The following SOX30 variants were observed in gnomAD, a reference collection of about 807,000 sequenced individuals.
SOX30 encodes the protein transcription factor SOX-30.
SOX30 carries 17 observed loss-of-function variants against 58.6 expected under a neutral mutation model. The observed-to-expected ratio is 0.29, with a 90% confidence interval of 0.20 to 0.44. SOX30 has a LOEUF of 0.44. Ranked by LOEUF, SOX30 falls within the 20% of genes least tolerant of loss-of-function variation. The pLI is 1.00. For synonymous variants in SOX30, 421 were observed against 400.2 expected, an observed-to-expected ratio of 1.05 and a Z score of -0.62; for missense variants, 951 against 965.8, an observed-to-expected ratio of 0.98 and a Z score of 0.20.
intron 4 of SOX30, among the ~76,000 whole-genome samples, chr5:157,628,404 CACAG>C (rs1186542592): frequency 7.0e-6 from 1 of 143,418 alleles, no homozygotes; most frequent in Non-Finnish European, 1.5e-5. Flanking sequence ...CACACACACA[CACAG>C]AGTCAACTTT....
chr5:157,644,601 C>T (rs997532480), intron 3 of SOX30, among the ~76,000 whole-genome samples: 1 of 152,178 alleles, frequency 6.6e-6, no homozygotes, highest in Non-Finnish European at 1.5e-5. Flanking sequence ...AAATATACAG[C>T]ATTTAACAGT....
At position 157,626,683 on chromosome 5, in the gene SOX30, T is replaced by C; in HGVS notation, c.1919A>G (p.Asn640Ser). The part of the protein sequence containing the change: ...PYSRPPFGYG[N>S]FPSSMPECLS... ...GCATTCTGGCATTGAACTCGGAAAATTTCCATAGCCAAAGGGAGGCCGACT... is the reference window on the plus strand; with the variant it reads ...GCATTCTGGCATTGAACTCGGAAAACTTCCATAGCCAAAGGGAGGCCGACT... Residue 640 changes from asparagine (N) to serine (S), a missense_variant, in exon 5 of 5, where the codon AAT becomes AGT. Physicochemically the swap from Asn to Ser is conservative, Grantham distance 46 (BLOSUM62 1). Around this residue, in one of 7 missense-constraint regions of SOX30, gnomAD observed 381 missense variants for 390.0 expected, o/e 0.98. Transcript: ENST00000265007. 1 of 1,612,870 alleles carries C rather than the reference T, an allele frequency of 6.2e-7. No homozygotes were observed. The highest frequency in any genetic ancestry group is 1.1e-5 in the South Asian group (1 of 90,888).
At chr5:157,640,813 A>G (rs1315470149) in intron 3 of SOX30, among the ~76,000 whole-genome samples, 1 of 152,126 alleles carries the variant, frequency 6.6e-6, no homozygotes, top group Non-Finnish European at 1.5e-5. Context: ...ATGAGTTAGC[A>G]TGATTCCTTA....
chr5:157,645,790 G>A (rs1189097039), intron 3 of SOX30, among the ~76,000 whole-genome samples: 3 of 152,116 alleles, frequency 2.0e-5, no homozygotes, highest in Non-Finnish European at 4.4e-5. Flanking sequence ...GGAGGCCGGG[G>A]CGGGCAGATC....
chr5:157,631,805 C>T (rs1758817056), intron 4 of SOX30, among the ~76,000 whole-genome samples: 1 of 148,764 alleles, frequency 6.7e-6, no homozygotes, highest in Admixed American at 6.7e-5. Context: ...TGGCTCATGC[C>T]TGTTAATTCC....
intron 4 of SOX30, among the ~76,000 whole-genome samples, chr5:157,635,519 G>A (rs1049639109): frequency 6.6e-6 from 1 of 152,082 alleles, no homozygotes. Context: ...AGCTACTCGG[G>A]AGGCTGAGAT....
rs1306231288 is a variant in SOX30, at chr5:157,638,693, T to G, written c.1417A>C (p.Thr473Pro). 6.2e-7 allele frequency: 1 copy of G among 1,612,550 alleles called. No homozygotes were observed. Among genetic ancestry groups the G allele is most frequent in the Non-Finnish European group, 8.5e-7 (1 of 1,179,070 alleles). Residue 473 changes from threonine (T) to proline (P), a missense_variant, in exon 4 of 5, where the codon ACA becomes CCA. Physicochemically the swap from Thr to Pro is conservative, Grantham distance 38. Around this residue, in one of 7 missense-constraint regions of SOX30, gnomAD observed 381 missense variants for 390.0 expected, o/e 0.98. Transcript: ENST00000265007. ...GGGCTTGGGCTCTGGACTGCAGGTG[T>G]GGGCAGCTGGATAGCAGGTGAGGTT... ...GETSPAIQLP[T>P]PAVQSPSPVT...
At position 157,667,763 on chromosome 5, in the gene SOX30, T is replaced by TACACAC. The variant is rs36105993; in HGVS notation, c.52+29_52+34dup. ...CAGAATACATACATACATACATACA[T>TACACAC]ACACACACACACACACACACACACA... is the stretch of plus-strand genomic sequence containing the variant. On this transcript the variant is annotated intron_variant, in intron 2 of 5. Transcript: ENST00000519442. 3.1e-5 allele frequency: 42 copies of TACACAC among 1,343,654 alleles called. No homozygotes were observed. In the South Asian group the frequency reaches 5.2e-4, roughly 17 times the overall value. 83.2% of individuals were successfully genotyped at this position (1,343,654 alleles called of 1,614,324 possible). A position where few individuals can be genotyped will look rare whatever the true frequency, so the allele number is the denominator to read the frequency against.
intron 4 of SOX30, among the ~76,000 whole-genome samples, chr5:157,631,764 CA>C (rs70984477): frequency 0.27 from 22,464 of 84,658 alleles, 2,198 homozygotes; most frequent in African/African-American, 0.4. Context: ...GAACTCGTCT[CA>C]AAAAAAAAAA....
intron 2 of SOX30, among the ~76,000 whole-genome samples, chr5:157,663,571 C>G (rs2113858977): frequency 6.6e-6 from 1 of 152,156 alleles, no homozygotes; most frequent in East Asian, 1.9e-4. Context: ...CTCACCACTC[C>G]TATTCAACAT....
rs764208651 is a variant in SOX30 at position 157,638,372 on chromosome 5, T to A, written c.1738A>T (p.Ile580Phe). ...TGTGGAATGGGAGAAGCCTGGGGGA[T>A]TGGAGCACTTCTGGGACAAGGGGAA... ...SVSPCPRSAP[I>F]PQASPIPHPH... The change falls in exon 4 of 5, where the codon ATC becomes TTC. Residue 580 changes from isoleucine to phenylalanine, a missense_variant. Coordinates refer to ENST00000265007, the MANE Select transcript of SOX30 (RefSeq NM_178424.2). 1 of 1,613,660 alleles carries A rather than the reference T, an allele frequency of 6.2e-7. No individual in the cohort carries two copies.
Position 157,640,088 on chromosome 5 carries a change from A to G in SOX30, c.1388-1366T>C, listed in dbSNP as rs575994452. Among the ~76,000 whole-genome samples the G allele has an allele frequency of 4.7e-4, 71 of 152,190 alleles. 1 individual carries two copies. Among genetic ancestry groups the G allele is most frequent in the Non-Finnish European group, 7.9e-4 (54 of 68,026 alleles). On this transcript the variant is annotated intron_variant, in intron 3 of 4. Coordinates refer to ENST00000265007, the MANE Select transcript of SOX30 (RefSeq NM_178424.2). ...TCAGGCCCTTCCTGATTTATCAAGC[A>G]TAGGTTAATTTCCCTTGTCCACGTT...
intron 2 of SOX30, among the ~76,000 whole-genome samples, chr5:157,648,236 A>G (rs185382407): frequency 3.3e-5 from 5 of 152,200 alleles, no homozygotes; most frequent in Non-Finnish European, 7.3e-5. Context: ...TCTGACAATC[A>G]TATGTTAAAA....
Position 157,651,838 on chromosome 5 carries a change from GCA to G in SOX30, c.239_240del (p.Leu80ProfsTer81). 1 of 1,585,774 alleles carries G rather than the reference GCA, an allele frequency of 6.3e-7. No homozygotes were observed. Among genetic ancestry groups the G allele is most frequent in the Non-Finnish European group, 8.5e-7 (1 of 1,170,204 alleles). ...TCGTTCTGGGCCTGAGGCTGTGGTA[GCA>G]GCAACACCTGCTCTGGCTTCACCTG... ...LLQVKPEQVL[L>X]LPQPQAQNEE... On this transcript the variant is annotated frameshift_variant, in exon 1 of 5. Transcript: ENST00000265007. LOFTEE classifies it high-confidence loss of function.
chr5:157,667,900 G>T, intron 1 of SOX30: 8 of 1,521,124 alleles, frequency 5.3e-6, no homozygotes, highest in Non-Finnish European at 7.0e-6. Flanking sequence ...CCTATGACCT[G>T]CAAGGCATTT....
chr5:157,654,104 T>C (rs536308476), upstream of SOX30, among the ~76,000 whole-genome samples: 1 of 150,716 alleles, frequency 6.6e-6, no homozygotes, highest in African/African-American at 2.4e-5. Context: ...AGGCAGAGGT[T>C]GCAGGAGCCG....
At chr5:157,640,711 C>T (rs537643033) in intron 3 of SOX30, among the ~76,000 whole-genome samples, 4 of 152,282 alleles carry the variant, frequency 2.6e-5, no homozygotes, top group African/African-American at 7.2e-5. Context: ...ATTAGAATGA[C>T]GATCCTAACC....
At chr5:157,653,016 A>G (rs376298454), upstream of SOX30, among the ~76,000 whole-genome samples, 2 of 152,168 alleles carry the variant, frequency 1.3e-5, no homozygotes, top group Non-Finnish European at 2.9e-5. Context: ...CTAACCTCCT[A>G]CTACTGCTAC....
intron 4 of SOX30, among the ~76,000 whole-genome samples, chr5:157,635,199 A>G (rs1206495784): frequency 1.3e-5 from 2 of 152,248 alleles, no homozygotes; most frequent in Admixed American, 1.3e-4. Flanking sequence ...TATAGTTGAC[A>G]TACTGCTCTG....
Sources: gnomAD v4.1 joint callset for allele counts (sites outside exome capture counted in the v4.1 genomes callset) on GRCh38, gnomAD v4.1.1 for gene constraint, gnomAD v4.1.1 regional missense constraint, MANE v1.5 for transcripts, NCBI Gene and HGNC (gene_info 2026-07-23, HGNC 2026-07-21) for gene names.